FAM13C: variants seen among roughly 807,000 people sequenced by gnomAD.
The protein encoded by FAM13C is family with sequence similarity 13 member C, also known as protein FAM13C.
FAM13C carries 37 observed loss-of-function variants against 73.2 expected under a neutral mutation model. The ratio of observed to expected loss-of-function variants is 0.51; its 90% CI spans 0.39 to 0.67. The LOEUF (loss-of-function observed/expected upper bound fraction) is 0.67. Among genes scored for constraint, FAM13C ranks in the 30% least tolerant of loss-of-function variants. The probability of loss-of-function intolerance (pLI) is 0.00; values close to 1 mark genes in which losing one functional copy is unlikely to be tolerated. For missense variants in FAM13C, 589 were observed against 715.6 expected, an observed-to-expected ratio of 0.82 and a Z score of 2.02; for synonymous variants, 246 against 260.9, an observed-to-expected ratio of 0.94 and a Z score of 0.55.
intron 4 of FAM13C, among the ~76,000 whole-genome samples, chr10:59,316,482 TC>T (rs562072687): frequency 7.4e-4 from 112 of 152,296 alleles, no homozygotes; most frequent in African/African-American, 2.6e-3. Flanking sequence ...GAGTCATGTA[TC>T]CCTTAGTGAC....
intron 3 of FAM13C, among the ~76,000 whole-genome samples, chr10:59,330,367 T>A (rs1851811152): frequency 6.6e-6 from 1 of 152,116 alleles, no homozygotes; most frequent in South Asian, 2.1e-4. Flanking sequence ...TGCAAGTCAA[T>A]GTGAATACAG....
intron 4 of FAM13C, among the ~76,000 whole-genome samples, chr10:59,315,914 G>A (rs367860127): frequency 5.3e-5 from 8 of 151,880 alleles, no homozygotes; most frequent in East Asian, 1.9e-4. Context: ...TTCCATGATC[G>A]GACAACTGAA....
chr10:59,250,867 T>C (rs1841303009), intron 13 of FAM13C, among the ~76,000 whole-genome samples: 3 of 152,058 alleles, frequency 2.0e-5, no homozygotes. Context: ...ATCCCAGGAG[T>C]CCAACCATTT....
chr10:59,345,688 C>T (rs1022700379), intron 3 of FAM13C, among the ~76,000 whole-genome samples: 5 of 152,148 alleles, frequency 3.3e-5, no homozygotes, highest in African/African-American at 9.7e-5. Context: ...TTCAAGGACC[C>T]TGCATTTCTC....
In FAM13C at chr10:59,269,989, G is replaced by T; in HGVS notation, c.713C>A (p.Ser238Ter). 1 of 1,613,960 alleles carries T rather than the reference G, an allele frequency of 6.2e-7. No homozygotes were observed. The highest frequency in any genetic ancestry group is 8.5e-7 in the Non-Finnish European group (1 of 1,179,896). The change falls in exon 7 of 14, where the codon TCG (serine) becomes TAG (stop). Residue 238 changes from serine to a stop codon, truncating the protein, a stop_gained. Coordinates refer to ENST00000618804, the MANE Select transcript of FAM13C (RefSeq NM_198215.4). LOFTEE classifies it high-confidence loss of function. ...HITDGDNPLL[S>*]PRCSIFSQSQ... ...TTGGCTGAAGATGGAGCATCGTGGC[G>T]ACAGCAGTGGGTTATCACCATCAGT...
At chr10:59,274,962 G>A (rs1844158877) in intron 6 of FAM13C, among the ~76,000 whole-genome samples, 1 of 152,166 alleles carries the variant, frequency 6.6e-6, no homozygotes, top group African/African-American at 2.4e-5. Flanking sequence ...AAAGCTGGGT[G>A]CTGGATGCTT....
intron 5 of FAM13C, among the ~76,000 whole-genome samples, chr10:59,284,153 G>A (rs1845270924): frequency 2.0e-5 from 3 of 152,020 alleles, no homozygotes; most frequent in Admixed American, 2.0e-4. Flanking sequence ...TGAGGAAGAA[G>A]CAATTTATCT....
At chr10:59,264,064 A>G (rs748499961) in intron 9 of FAM13C, 21 bp downstream of exon 9, 2 of 1,608,258 alleles carry the variant, frequency 1.2e-6, no homozygotes, top group Admixed American at 3.3e-5. Flanking sequence ...TGAGGAAAAA[A>G]GATCTTTGGC....
intron 3 of FAM13C, among the ~76,000 whole-genome samples, chr10:59,346,388 A>G (rs946865150): frequency 1.3e-5 from 2 of 152,238 alleles, no homozygotes; most frequent in African/African-American, 2.4e-5. Flanking sequence ...TTTCACAATC[A>G]GACTTAGATT....
intron 3 of FAM13C, among the ~76,000 whole-genome samples, chr10:59,324,684 A>G (rs1453682519): frequency 6.6e-6 from 1 of 152,184 alleles, no homozygotes; most frequent in Non-Finnish European, 1.5e-5. Flanking sequence ...AAGTTCATCT[A>G]AAAACTAAAG....
chr10:59,302,727 G>GT, intron 5 of FAM13C, 74 bp downstream of exon 5: 2 of 1,368,410 alleles, frequency 1.5e-6, no homozygotes, highest in South Asian at 2.4e-5. Context: ...TGAATTCCTA[G>GT]TACTGTGAAA....
In FAM13C at chr10:59,269,881, A is replaced by G. The variant is rs2290852; in HGVS notation, c.803+18T>C. The G allele has an allele frequency of 1.2e-6, 2 of 1,612,650 alleles. No homozygotes were observed. Among genetic ancestry groups the G allele is most frequent in the East Asian group, 4.5e-5 (2 of 44,814 alleles). On this transcript the variant is annotated intron_variant, in intron 7 of 13. Coordinates refer to ENST00000618804, the MANE Select transcript of FAM13C (RefSeq NM_198215.4). ...AAAACTGTATGAAATGAAGACAATA[A>G]CAAAACAGTTTTCTCACATCATAAA...
chr10:59,280,868 C>T (rs1249334749), intron 6 of FAM13C, among the ~76,000 whole-genome samples: 1 of 152,172 alleles, frequency 6.6e-6, no homozygotes, highest in Admixed American at 6.5e-5. Flanking sequence ...ATTTGAAACC[C>T]ACTAGGTCAC....
chr10:59,263,307 A>T (rs1259026951), intron 9 of FAM13C, among the ~76,000 whole-genome samples: 1 of 152,074 alleles, frequency 6.6e-6, no homozygotes, highest in Non-Finnish European at 1.5e-5. Flanking sequence ...ATTTATATTG[A>T]TTTCTCAATT....
intron 1 of FAM13C, among the ~76,000 whole-genome samples, chr10:59,356,550 T>C (rs1236989698): frequency 1.3e-5 from 2 of 152,188 alleles, no homozygotes; most frequent in East Asian, 1.9e-4. Context: ...CCTTTGTTCC[T>C]GTTCCCAACC....
intron 3 of FAM13C, among the ~76,000 whole-genome samples, chr10:59,328,351 T>A (rs900809074): frequency 2.6e-5 from 4 of 152,194 alleles, no homozygotes; most frequent in African/African-American, 9.7e-5. Flanking sequence ...AATATGATAT[T>A]TTGTTCTCAT....
chr10:59,289,363 C>T (rs1041167342), intron 5 of FAM13C, among the ~76,000 whole-genome samples: 14 of 152,204 alleles, frequency 9.2e-5, no homozygotes, highest in Non-Finnish European at 2.1e-4. Flanking sequence ...CTGCCACATA[C>T]ATGTCCTTCC....
At chr10:59,317,394 G>A (rs1443222872) in intron 4 of FAM13C, among the ~76,000 whole-genome samples, 1 of 152,060 alleles carries the variant, frequency 6.6e-6, no homozygotes, top group Non-Finnish European at 1.5e-5. Context: ...CCTATTTTAT[G>A]TTAAGCCAAG....
At chr10:59,285,283 A>G (rs1845426963) in intron 5 of FAM13C, among the ~76,000 whole-genome samples, 1 of 152,174 alleles carries the variant, frequency 6.6e-6, no homozygotes, top group African/African-American at 2.4e-5. Flanking sequence ...AAGTTTTCCC[A>G]GCAGCTGAGT....
Sources: allele counts gnomAD v4.1 joint callset (sites outside exome capture counted in the v4.1 genomes callset), GRCh38; gene constraint gnomAD v4.1.1; transcripts MANE v1.5; gene names NCBI Gene and HGNC (gene_info 2026-07-23, HGNC 2026-07-21).